The following GLIS3 variants were observed in gnomAD, a reference collection of about 807,000 sequenced individuals.
GLIS3 encodes GLIS family zinc finger 3, also known as zinc finger protein GLIS3.
Under a neutral mutation model 78.6 loss-of-function variants are expected in GLIS3, and 53 were observed. The ratio of observed to expected loss-of-function variants is 0.67; its 90% CI spans 0.54 to 0.85. The LOEUF (loss-of-function observed/expected upper bound fraction) is 0.85. Ranked by LOEUF, GLIS3 falls within the 40% of genes least tolerant of loss-of-function variation. The pLI is 0.00. For synonymous variants in GLIS3, 684 were observed against 509.9 expected, an observed-to-expected ratio of 1.34 and a Z score of -4.60; for missense variants, 1,703 against 1,231.1, an observed-to-expected ratio of 1.38 and a Z score of -5.74.
At chr9:4,283,318 T>G (rs1321758430) in intron 2 of GLIS3, among the ~76,000 whole-genome samples, 1 of 150,708 alleles carries the variant, frequency 6.6e-6, no homozygotes, top group Non-Finnish European at 1.5e-5. Flanking sequence ...CCGGCTGGAG[T>G]GCAATGGCGC....
the GLIS3 span, among the ~76,000 whole-genome samples, chr9:4,485,140 G>A: frequency 3.3e-5 from 5 of 151,760 alleles, no homozygotes; most frequent in African/African-American, 9.7e-5. Context: ...TCAGGCTCCC[G>A]AGTAGCTGGG....
At chr9:4,276,564 G>GAGGGAAGGGA (rs201546348) in intron 2 of GLIS3, among the ~76,000 whole-genome samples, 19,318 of 110,878 alleles carry the variant, frequency 0.17, 2,379 homozygotes, top group Non-Finnish European at 0.21. Flanking sequence ...GAGGGGAGGG[G>GAGGGAAGGGA]AGGGAAGAGA....
the GLIS3 span, among the ~76,000 whole-genome samples, chr9:4,458,259 T>C: frequency 6.6e-6 from 1 of 152,122 alleles, no homozygotes; most frequent in Non-Finnish European, 1.5e-5. Flanking sequence ...AGCTATCGTT[T>C]TGGGGCCCAA....
the GLIS3 span, among the ~76,000 whole-genome samples, chr9:4,402,926 C>T: frequency 6.6e-6 from 1 of 151,950 alleles, no homozygotes; most frequent in Admixed American, 6.6e-5. Flanking sequence ...AGAGAACTTC[C>T]CAAACCTAGA....
the GLIS3 span, among the ~76,000 whole-genome samples, chr9:4,486,274 G>C: frequency 6.6e-6 from 1 of 152,134 alleles, no homozygotes. Context: ...CCACAAAGAA[G>C]TGGAAGTTCC....
intron 2 of GLIS3, among the ~76,000 whole-genome samples, chr9:4,275,076 A>G (rs957743227): frequency 6.6e-6 from 1 of 152,184 alleles, no homozygotes; most frequent in Non-Finnish European, 1.5e-5. Context: ...TAGCAAATCT[A>G]TTCACATTCA....
At chr9:4,117,161 T>C (rs1309201445) in intron 4 of GLIS3, among the ~76,000 whole-genome samples, 2 of 152,186 alleles carry the variant, frequency 1.3e-5, no homozygotes, top group Non-Finnish European at 2.9e-5. Flanking sequence ...TTAAAATTAG[T>C]TAGGATCCTG....
At chr9:4,316,447 C>T (rs1817437854) in intron 2 of GLIS3, among the ~76,000 whole-genome samples, 1 of 152,292 alleles carries the variant, frequency 6.6e-6, no homozygotes, top group Non-Finnish European at 1.5e-5. Flanking sequence ...CCTTAAATAT[C>T]ATCATTTCAT....
chr9:4,413,904 C>T, the GLIS3 span, among the ~76,000 whole-genome samples: 2 of 152,130 alleles, frequency 1.3e-5, no homozygotes, highest in Non-Finnish European at 2.9e-5. Flanking sequence ...CCAAATATGG[C>T]TTAACTTCAC....
At chr9:3,976,664 CT>C (rs1818812315) in intron 4 of GLIS3, among the ~76,000 whole-genome samples, 1 of 151,422 alleles carries the variant, frequency 6.6e-6, no homozygotes, top group Admixed American at 6.6e-5. Context: ...CACCATAAGG[CT>C]GCAAGAGCCA....
chr9:4,282,084 T>C (rs1246452609), intron 2 of GLIS3, among the ~76,000 whole-genome samples: 1 of 152,186 alleles, frequency 6.6e-6, no homozygotes, highest in Non-Finnish European at 1.5e-5. Context: ...TCTTCAGTCT[T>C]CAAGTCAGAT....
chr9:4,190,224 A>C (rs921406297), intron 2 of GLIS3, among the ~76,000 whole-genome samples: 2 of 152,228 alleles, frequency 1.3e-5, no homozygotes, highest in African/African-American at 2.4e-5. Context: ...TCAGACAATC[A>C]AACTACTCCG....
chr9:3,876,829 A>G (rs1292994970), intron 8 of GLIS3, among the ~76,000 whole-genome samples: 1 of 151,234 alleles, frequency 6.6e-6, no homozygotes, highest in East Asian at 1.9e-4. Flanking sequence ...GGAATAAAAA[A>G]TACAAAATGT....
At chr9:3,845,027 C>G (rs1185150744) in intron 9 of GLIS3, among the ~76,000 whole-genome samples, 2 of 151,874 alleles carry the variant, frequency 1.3e-5, no homozygotes, top group African/African-American at 2.4e-5. Flanking sequence ...AGCATTTTCT[C>G]TTTTAGAAAT....
At position 3,983,258 on chromosome 9, in the gene GLIS3, C is replaced by G. The variant is rs995355129; in HGVS notation, c.1711-46069G>C. On this transcript the variant is annotated intron_variant, in intron 4 of 10. Transcript: ENST00000381971. ...CTGCTGCCATCCATGTAAGACATGACTTGCTCTTCCTTGCCTTCTGCCATG... is the reference window on the plus strand; with the variant it reads ...CTGCTGCCATCCATGTAAGACATGAGTTGCTCTTCCTTGCCTTCTGCCATG... Among the ~76,000 whole-genome samples, 83 of 152,318 alleles carry G rather than the reference C, an allele frequency of 5.4e-4. 1 individual carries two copies. The highest frequency in any genetic ancestry group is 1.8e-4 in the Non-Finnish European group (12 of 68,026).
chr9:4,334,773 A>C (rs1817732332), intron 2 of GLIS3, among the ~76,000 whole-genome samples: 1 of 152,200 alleles, frequency 6.6e-6, no homozygotes, highest in Non-Finnish European at 1.5e-5. Context: ...ACTTACAGCG[A>C]ACCTGGGGCT....
intron 4 of GLIS3, among the ~76,000 whole-genome samples, chr9:4,006,902 G>A (rs1476464983): frequency 6.6e-6 from 1 of 152,204 alleles, no homozygotes; most frequent in Non-Finnish European, 1.5e-5. Context: ...GGTGACAGAT[G>A]TTTCATAAAG....
At chr9:4,335,437 T>G (rs898581257) in intron 2 of GLIS3, among the ~76,000 whole-genome samples, 3 of 152,158 alleles carry the variant, frequency 2.0e-5, no homozygotes, top group South Asian at 2.1e-4. Flanking sequence ...AATAAAAAGA[T>G]CTGGTAATGC....
chr9:4,280,901 T>C (rs1388992168), intron 2 of GLIS3, among the ~76,000 whole-genome samples: 1 of 152,168 alleles, frequency 6.6e-6, no homozygotes, highest in African/African-American at 2.4e-5. Context: ...CAGTCTTCTC[T>C]GTATAATAAA....
Sources: allele counts gnomAD v4.1 joint callset (sites outside exome capture counted in the v4.1 genomes callset), GRCh38; gene constraint gnomAD v4.1.1; transcripts MANE v1.5; gene names NCBI Gene and HGNC (gene_info 2026-07-23, HGNC 2026-07-21).